Variants in SETMAR observed in about 807,000 individuals in gnomAD.
SETMAR encodes the protein SET and mariner transposase domain methyltransferase.
SETMAR carries 44 observed loss-of-function variants against 58.4 expected under a neutral mutation model. The ratio of observed to expected loss-of-function variants is 0.75; its 90% CI spans 0.59 to 0.97. The LOEUF (loss-of-function observed/expected upper bound fraction) is 0.97. Among genes scored for constraint, SETMAR ranks in the 50% least tolerant of loss-of-function variants. SETMAR has a pLI of 0.00. For synonymous variants in SETMAR, 332 were observed against 307.4 expected (o/e 1.08, Z -0.84); for missense variants, 903 against 840.2 (o/e 1.07, Z -0.92).
At chr3:4,315,850 C>A (rs2125106658) in intron 2 of SETMAR, among the ~76,000 whole-genome samples, 1 of 151,950 alleles carries the variant, frequency 6.6e-6, no homozygotes, top group African/African-American at 2.4e-5. Context: ...AGTTTGAGAC[C>A]ACCCTGGCCA....
At chr3:4,304,946 T>C (rs192152921) in intron 1 of SETMAR, among the ~76,000 whole-genome samples, 26 of 147,672 alleles carry the variant, frequency 1.8e-4, no homozygotes, top group Admixed American at 8.8e-4. Context: ...TGGGTTTGGT[T>C]CAGAAGGCGG....
At position 4,316,521 on chromosome 3, in the gene SETMAR, G is replaced by A. The variant is rs759388346; in HGVS notation, c.1330G>A (p.Val444Ile). 22 of 1,584,802 alleles carry A rather than the reference G, an allele frequency of 1.4e-5. No individual in the cohort carries two copies. Among genetic ancestry groups the A allele is most frequent in the African/African-American group, 8.1e-5 (6 of 74,276 alleles). ...EELNVNHSTV[V>I]RHLKQIGKVK... ...ACTCAATGTCAACCATTCTACGGTC[G>A]TTCGACATTTGAAGCAAATTGGAAA... is the stretch of plus-strand genomic sequence containing the variant. The change falls in exon 3 of 3, where the codon GTT (valine) becomes ATT (isoleucine). Residue 444 changes from valine (V) to isoleucine (I), a missense_variant. Coordinates refer to ENST00000358065, the MANE Select transcript of SETMAR (RefSeq NM_006515.4).
At chr3:4,312,849 G>A in intron 1 of SETMAR, 49 bp from the exon 2 acceptor site, 1 of 1,537,840 alleles carries the variant, frequency 6.5e-7, no homozygotes, top group Non-Finnish European at 8.7e-7. Flanking sequence ...GAATATATAG[G>A]AAATATATGA....
chr3:4,310,388 C>T (rs1351167010), intron 1 of SETMAR, among the ~76,000 whole-genome samples: 3 of 152,068 alleles, frequency 2.0e-5, no homozygotes, highest in Non-Finnish European at 4.4e-5. Flanking sequence ...TTTTTTAAGT[C>T]ATTATCATCT....
intron 2 of SETMAR, 36 bp from the exon 3 acceptor site, chr3:4,316,176 T>C (rs1421802517): frequency 1.6e-6 from 1 of 641,464 alleles, no homozygotes; most frequent in African/African-American, 1.8e-5. Flanking sequence ...GTTTTTTTGC[T>C]AATGACATCT....
At chr3:4,310,809 A>C (rs1159841570) in intron 1 of SETMAR, among the ~76,000 whole-genome samples, 1 of 152,238 alleles carries the variant, frequency 6.6e-6, no homozygotes, top group African/African-American at 2.4e-5. Flanking sequence ...TGATTTATAT[A>C]GTACCTTAAA....
intron 2 of SETMAR, 108 bp downstream of exon 2, chr3:4,313,869 G>GA (rs776986278): frequency 1.6e-4 from 249 of 1,539,716 alleles, no homozygotes; most frequent in Non-Finnish European, 2.0e-4. Context: ...GAATGTGGCA[G>GA]AGACTGCAAG....
At chr3:4,306,584 G>A (rs1196746575) in intron 1 of SETMAR, among the ~76,000 whole-genome samples, 1 of 152,158 alleles carries the variant, frequency 6.6e-6, no homozygotes, top group Non-Finnish European at 1.5e-5. Flanking sequence ...TCCTAAGAGA[G>A]CTTATTGTCT....
At chr3:4,308,456 C>T (rs1270722691) in intron 1 of SETMAR, among the ~76,000 whole-genome samples, 1 of 152,182 alleles carries the variant, frequency 6.6e-6, no homozygotes, top group Admixed American at 6.5e-5. Context: ...TTAAATATAA[C>T]ATCTAAAAGT....
chr3:4,312,712 A>T (rs980726439), intron 1 of SETMAR, among the ~76,000 whole-genome samples, 186 bp from the exon 2 acceptor site: 14 of 151,596 alleles, frequency 9.2e-5, no homozygotes, highest in Non-Finnish European at 2.1e-4. Context: ...TTAAAAAAAA[A>T]AAAAAAAAAC....
At chr3:4,306,268 T>G (rs1338076775) in intron 1 of SETMAR, among the ~76,000 whole-genome samples, 1 of 152,192 alleles carries the variant, frequency 6.6e-6, no homozygotes, top group African/African-American at 2.4e-5. Flanking sequence ...ATTAACTCAC[T>G]TTAAGCGTTA....
At chr3:4,306,243 C>G (rs567394920) in intron 1 of SETMAR, among the ~76,000 whole-genome samples, 1 of 151,802 alleles carries the variant, frequency 6.6e-6, no homozygotes, top group African/African-American at 2.4e-5. Context: ...ACTATGTGCC[C>G]GACGTATTTT....
Position 4,303,503 on chromosome 3 carries a change from G to C in SETMAR, c.133G>C (p.Gly45Arg). ...ENLPVGAWPP[G>R]AAPAPFQYTP... ...CTTGCCGGTGGGCGCGTGGCCCCCG[G>C]GGGCCGCGCCGGCGCCCTTCCAGGT... Residue 45 changes from glycine (G) to arginine (R), a missense_variant, in exon 1 of 3, where the codon GGG (glycine) becomes CGG (arginine). Physicochemically the swap from Gly to Arg is moderately radical, Grantham distance 125 (BLOSUM62 -2). Coordinates refer to ENST00000358065, the MANE Select transcript of SETMAR (RefSeq NM_006515.4). The C allele has an allele frequency of 6.9e-7, 1 of 1,454,766 alleles. No individual in the cohort carries two copies. Among genetic ancestry groups the C allele is most frequent in the South Asian group, 1.5e-5 (1 of 67,424 alleles). 90.1% of individuals were successfully genotyped at this position (1,454,766 alleles called of 1,614,324 possible).
chr3:4,310,927 A>G (rs1443325532), intron 1 of SETMAR, among the ~76,000 whole-genome samples: 1 of 152,246 alleles, frequency 6.6e-6, no homozygotes, highest in African/African-American at 2.4e-5. Context: ...GTAACCATTT[A>G]CATTTGAACA....
In SETMAR at chr3:4,316,647, G is replaced by A. The variant is rs759261626; in HGVS notation, c.1456G>A (p.Glu486Lys). Residue 486 changes from glutamate (E) to lysine (K), a missense_variant, in exon 3 of 3, where the codon GAA (glutamate) becomes AAA (lysine). Physicochemically the swap from Glu to Lys is moderately conservative, Grantham distance 56. Coordinates refer to ENST00000358065, the MANE Select transcript of SETMAR (RefSeq NM_006515.4). ...SSSLILRNHN[E>K]PFLDRIVTCD... is the part of the protein sequence containing the mutation. ...TTCTCTTATTCTACGCAACCACAACGAACCATTTCTCGATCGGATTGTGAC... is the reference window on the plus strand; with the variant it reads ...TTCTCTTATTCTACGCAACCACAACAAACCATTTCTCGATCGGATTGTGAC... 3.9e-6 allele frequency: 6 copies of A among 1,551,020 alleles called. No homozygotes were observed. The highest frequency in any genetic ancestry group is 5.2e-6 in the Non-Finnish European group (6 of 1,146,752).
rs1045589782 is a variant in SETMAR, at chr3:4,313,400, G to A, written c.659G>A (p.Arg220Lys). The A allele has an allele frequency of 1.9e-6, 3 of 1,613,946 alleles. No individual in the cohort carries two copies. The highest frequency in any genetic ancestry group is 2.5e-6 in the Non-Finnish European group (3 of 1,179,928). Residue 220 changes from arginine (R) to lysine (K), a missense_variant, in exon 2 of 3, where the codon AGA becomes AAA. Physicochemically the swap from Arg to Lys is conservative, Grantham distance 26. Transcript: ENST00000358065. ...CCTACTTATATAGGAAATATTGGAAGATTCCTTAATCATTCTTGTGAGCCA... is the reference window on the plus strand; with the variant it reads ...CCTACTTATATAGGAAATATTGGAAAATTCCTTAATCATTCTTGTGAGCCA... The part of the protein sequence containing the change: ...VDPTYIGNIG[R>K]FLNHSCEPNL...
rs1318446520 is a variant in SETMAR at position 4,313,567 on chromosome 3, G to C, written c.826G>C (p.Glu276Gln). Reference sequence around the variant, plus strand: ...TAATCTAACAGTCAGTGAAGACAAAGAAAGGCTAGATCATGGGAAACTAAG... The same window carrying C: ...TAATCTAACAGTCAGTGAAGACAAACAAAGGCTAGATCATGGGAAACTAAG... Reference protein sequence around the residue: ...YLNLTVSEDKERLDHGKLRKP... With the variant: ...YLNLTVSEDKQRLDHGKLRKP... Residue 276 changes from glutamate to glutamine, a missense_variant, in exon 2 of 3, where the codon GAA becomes CAA. Transcript: ENST00000358065. The C allele has an allele frequency of 3.7e-6, 6 of 1,613,850 alleles. No homozygotes were observed. In the South Asian group the frequency reaches 5.5e-5, roughly 15 times the overall value.
rs757339151 is a variant in SETMAR at position 4,313,173 on chromosome 3, C to T, written c.432C>T (p.Phe144=). Residue 144 remains phenylalanine, a synonymous_variant, in exon 2 of 3, where the codon TTC becomes TTT. Coordinates refer to ENST00000358065, the MANE Select transcript of SETMAR (RefSeq NM_006515.4). ...GTCTACAGTTCCACTTCCAAGTGTT[C>T]AAGACGCATAAAAAAGGCTGGGGAC... is the stretch of plus-strand genomic sequence containing the variant. ...QKGLQFHFQV[F]KTHKKGWGLR... is the part of the protein sequence containing the mutation. The T allele has an allele frequency of 6.8e-6, 11 of 1,613,812 alleles. No individual in the cohort carries two copies. In the Admixed American group the frequency reaches 1.8e-4, roughly 27 times the overall value.
intron 1 of SETMAR, 87 bp downstream of exon 1, chr3:4,303,613 A>G: frequency 7.3e-7 from 1 of 1,377,490 alleles, no homozygotes; most frequent in Non-Finnish European, 9.4e-7. Context: ...ACGGCCTCCC[A>G]GTCGCGACCT....
Sources: allele counts gnomAD v4.1 joint callset (sites outside exome capture counted in the v4.1 genomes callset), GRCh38; gene constraint gnomAD v4.1.1; transcripts MANE v1.5; gene names NCBI Gene and HGNC (gene_info 2026-07-23, HGNC 2026-07-21).